The following ZNF763 variants were observed in gnomAD, a reference collection of about 807,000 sequenced individuals.
ZNF763 encodes the protein DNA-binding protein.
A neutral mutation model predicts 38.0 loss-of-function variants in ZNF763; 33 were observed. That is an observed-to-expected ratio of 0.87 (90% CI 0.66 to 1.16). The LOEUF (loss-of-function observed/expected upper bound fraction) is 1.16. Ranked by LOEUF, ZNF763 falls within the 50% of genes most tolerant of loss-of-function variation. The pLI is 0.00. For missense variants in ZNF763, 423 were observed against 469.1 expected (o/e 0.90, Z 0.91); for synonymous variants, 155 against 160.1 (o/e 0.97, Z 0.24).
Position 11,978,696 on chromosome 19 carries a change from T to C in ZNF763, c.772T>C (p.Cys258Arg), listed in dbSNP as rs753058899. The C allele has an allele frequency of 3.7e-6, 6 of 1,614,076 alleles. No homozygotes were observed. The African/African-American group carries it at 4.0e-5, about 11-fold the overall frequency. The part of the protein sequence containing the change: ...RTHTGEKPYE[C>R]QQCGKAFHSS... ...TCACACTGGAGAAAAGCCTTATGAA[T>C]GTCAGCAATGTGGGAAAGCATTCCA... The change falls in exon 4 of 4, where the codon TGT (cysteine) becomes CGT (arginine). Residue 258 changes from cysteine (C) to arginine (R), a missense_variant. Coordinates refer to ENST00000358987, the MANE Select transcript of ZNF763 (RefSeq NM_001367172.2).
chr19:11,974,662 G>T (rs1001924228), intron 1 of ZNF763, among the ~76,000 whole-genome samples: 1 of 152,108 alleles, frequency 6.6e-6, no homozygotes, highest in African/African-American at 2.4e-5. Context: ...GAGTGCGGGG[G>T]CATGATCTCA....
chr19:11,973,885 T>C (rs1346658704), intron 1 of ZNF763, among the ~76,000 whole-genome samples: 1 of 152,112 alleles, frequency 6.6e-6, no homozygotes, highest in Non-Finnish European at 1.5e-5. Context: ...AGACCATGCT[T>C]ATTTTCTTCA....
chr19:11,974,433 G>A (rs1281283745), intron 1 of ZNF763, among the ~76,000 whole-genome samples: 1 of 151,774 alleles, frequency 6.6e-6, no homozygotes, highest in Non-Finnish European at 1.5e-5. Flanking sequence ...CTGACCTCAG[G>A]TGATCCACCC....
chr19:11,966,921 A>C (rs1240596929), intron 1 of ZNF763, among the ~76,000 whole-genome samples: 1 of 152,190 alleles, frequency 6.6e-6, no homozygotes, highest in Non-Finnish European at 1.5e-5. Context: ...ATTGGAAGTT[A>C]AGTTCTGGCT....
chr19:11,975,625 G>A (rs990152998), intron 1 of ZNF763, among the ~76,000 whole-genome samples: 18 of 147,650 alleles, frequency 1.2e-4, no homozygotes, highest in Admixed American at 5.4e-4. Context: ...CTCGTGATCC[G>A]CCCGCCTCGG....
intron 1 of ZNF763, among the ~76,000 whole-genome samples, chr19:11,967,655 G>A (rs7255429): frequency 0.13 from 19,222 of 151,926 alleles, 2,242 homozygotes; most frequent in African/African-American, 0.31. Flanking sequence ...CACCCACCTC[G>A]GCCTCCCAAA....
intron 1 of ZNF763, among the ~76,000 whole-genome samples, chr19:11,973,855 T>C (rs1338155065): frequency 6.6e-6 from 1 of 152,172 alleles, no homozygotes; most frequent in Non-Finnish European, 1.5e-5. Context: ...ATATGTAGGA[T>C]TGAGACTACT....
At chr19:11,978,050 G>A in intron 3 of ZNF763, 66 bp from the exon 4 acceptor site, 2 of 1,565,048 alleles carry the variant, frequency 1.3e-6, no homozygotes, top group Non-Finnish European at 1.7e-6. Context: ...AAAAATGCAA[G>A]TGCAATACTT....
intron 1 of ZNF763, among the ~76,000 whole-genome samples, chr19:11,972,072 A>G (rs560819880): frequency 1.3e-5 from 2 of 152,100 alleles, no homozygotes; most frequent in Admixed American, 6.5e-5. Flanking sequence ...CAAAAAAAAA[A>G]AAAAGAAAAG....
chr19:11,976,906 G>A (rs1420933508), intron 1 of ZNF763, 132 bp from the exon 2 acceptor site: 4 of 1,530,624 alleles, frequency 2.6e-6, no homozygotes, highest in Middle Eastern at 2.3e-4. Flanking sequence ...AGTACAGAAA[G>A]CGAGAAAGGG....
intron 3 of ZNF763, 91 bp from the exon 4 acceptor site, chr19:11,978,025 T>C (rs1973533285): frequency 6.7e-7 from 1 of 1,496,950 alleles, no homozygotes; most frequent in Non-Finnish European, 9.0e-7. Context: ...AGCCTACACC[T>C]TGATGGACCA....
intron 1 of ZNF763, among the ~76,000 whole-genome samples, chr19:11,974,500 T>A (rs1013441550): frequency 9.9e-5 from 15 of 151,870 alleles, no homozygotes; most frequent in African/African-American, 3.4e-4. Context: ...CTGGCCTGTT[T>A]TAATTTACTC....
At chr19:11,976,366 T>G (rs1260599480) in intron 1 of ZNF763, among the ~76,000 whole-genome samples, 1 of 151,794 alleles carries the variant, frequency 6.6e-6, no homozygotes, top group Non-Finnish European at 1.5e-5. Flanking sequence ...CACTGTGGCT[T>G]TACCCCTTGT....
intron 1 of ZNF763, 46 bp downstream of exon 1, chr19:11,965,257 T>TGGAACCGGCC (rs745500026): frequency 6.2e-7 from 1 of 1,613,036 alleles, no homozygotes; most frequent in Non-Finnish European, 8.5e-7. Context: ...AGAGGCTGCC[T>TGGAACCGGCC]GGAACCGGCC....
At chr19:11,977,714 G>T (rs1973526004) in intron 3 of ZNF763, among the ~76,000 whole-genome samples, 1 of 152,108 alleles carries the variant, frequency 6.6e-6, no homozygotes, top group Admixed American at 6.5e-5. Flanking sequence ...AAAATTAGCT[G>T]GGCATTGTGG....
chr19:11,967,560 C>T (rs7256236), intron 1 of ZNF763, among the ~76,000 whole-genome samples: 19,082 of 151,902 alleles, frequency 0.13, 2,205 homozygotes, highest in African/African-American at 0.31. Context: ...CCCGCCACCA[C>T]GCTCGGCTAA....
In ZNF763 at chr19:11,965,229, G is replaced by A. The variant is rs1568304293; in HGVS notation, c.3+18G>A. The A allele has an allele frequency of 1.2e-6, 2 of 1,613,868 alleles. No individual in the cohort carries two copies. Among genetic ancestry groups the A allele is most frequent in the South Asian group, 1.1e-5 (1 of 91,086 alleles). On this transcript the variant is annotated intron_variant, in intron 1 of 3. Transcript: ENST00000358987. The stretch of plus-strand genomic sequence containing the variant: ...AGGAAATGGTGCGTGTGCATAGCCG[G>A]TTGTCCCGAGACGGGGTAGAGGCTG...
At position 11,979,396 on chromosome 19, in the gene ZNF763, A is replaced by C. The variant is rs1973573191; in HGVS notation, c.*287A>C. On this transcript the variant is annotated 3_prime_UTR_variant, in exon 4 of 4. Transcript: ENST00000358987. ...GTGGGAAAGCCTTCAGATCTGCCTCACACCTTCAAATTCATGAAAGGACAC... is the reference window on the plus strand; with the variant it reads ...GTGGGAAAGCCTTCAGATCTGCCTCCCACCTTCAAATTCATGAAAGGACAC... The C allele has an allele frequency of 6.2e-7, 1 of 1,610,072 alleles. No homozygotes were observed. Among genetic ancestry groups the C allele is most frequent in the Admixed American group, 1.7e-5 (1 of 59,754 alleles).
At chr19:11,977,006 C>T (rs1366674187) in intron 1 of ZNF763, 32 bp from the exon 2 acceptor site, 12 of 1,612,830 alleles carry the variant, frequency 7.4e-6, no homozygotes, top group Non-Finnish European at 9.3e-6. Context: ...TCACTCTCAC[C>T]CAGCCTCCTC....
Sources: gnomAD v4.1 joint callset for allele counts (sites outside exome capture counted in the v4.1 genomes callset) on GRCh38, gnomAD v4.1.1 for gene constraint, MANE v1.5 for transcripts, NCBI Gene and HGNC (gene_info 2026-07-23, HGNC 2026-07-21) for gene names.